ATE1: variants seen among roughly 807,000 people sequenced by gnomAD.
ATE1 encodes the protein arginyltransferase 1.
A neutral mutation model predicts 70.5 loss-of-function variants in ATE1; 36 were observed. The ratio of observed to expected loss-of-function variants is 0.51; its 90% confidence interval spans 0.39 to 0.67. The LOEUF (loss-of-function observed/expected upper bound fraction) is 0.67. Ranked by LOEUF, ATE1 falls within the 30% of genes least tolerant of loss-of-function variation. The pLI, the probability that ATE1 is intolerant of heterozygous loss-of-function variation, is 0.00. For missense variants in ATE1, 593 were observed against 629.5 expected (o/e 0.94, Z 0.62); for synonymous variants, 232 against 219.3 (o/e 1.06, Z -0.51).
At chr10:121,821,071 A>G (rs980995384) in intron 10 of ATE1, among the ~76,000 whole-genome samples, 2 of 152,106 alleles carry the variant, frequency 1.3e-5, no homozygotes, top group Non-Finnish European at 2.9e-5. Context: ...CCTCCCGAGT[A>G]GCTGGGACTA....
chr10:121,772,808 G>A (rs1341973162), intron 11 of ATE1, among the ~76,000 whole-genome samples: 1 of 152,108 alleles, frequency 6.6e-6, no homozygotes, highest in Non-Finnish European at 1.5e-5. Flanking sequence ...TTGCTTTGCC[G>A]CTATTTAAAA....
chr10:121,915,611 C>T (rs931057912), intron 3 of ATE1, among the ~76,000 whole-genome samples: 4 of 152,032 alleles, frequency 2.6e-5, no homozygotes, highest in East Asian at 1.9e-4. Context: ...TAAGAGAGGC[C>T]GGGCGCCGTG....
intron 7 of ATE1, among the ~76,000 whole-genome samples, chr10:121,889,759 A>ACT (rs1457310568): frequency 6.6e-6 from 1 of 152,172 alleles, no homozygotes; most frequent in African/African-American, 2.4e-5. Flanking sequence ...GCTGCAGTGA[A>ACT]CTATGACCAT....
chr10:121,810,008 G>C lies in ATE1; in HGVS notation c.1258-19719C>G, dbSNP rs532944970. On this transcript the variant is annotated intron_variant, in intron 10 of 11. Coordinates refer to ENST00000224652, the MANE Select transcript of ATE1 (RefSeq NM_001001976.3). Reference sequence around the variant, plus strand: ...GCCCAGGTGAGGAAGGTTTACTGAAGGCTGAACCAGTGATGTCCAATTAAC... The same window carrying C: ...GCCCAGGTGAGGAAGGTTTACTGAACGCTGAACCAGTGATGTCCAATTAAC... Among the ~76,000 whole-genome samples the C allele has an allele frequency of 1.6e-4, 24 of 152,144 alleles. No individual in the cohort carries two copies. In the South Asian group the frequency reaches 4.8e-3, roughly 30 times the overall value.
upstream of ATE1, chr10:121,928,235 G>C: frequency 7.3e-7 from 1 of 1,368,596 alleles, no homozygotes; most frequent in Non-Finnish European, 9.6e-7. Context: ...AGGATGGGGA[G>C]AGTCAAGAGG....
upstream of ATE1, chr10:121,928,406 C>CCCTT: frequency 6.5e-7 from 1 of 1,527,878 alleles, no homozygotes; most frequent in Non-Finnish European, 8.8e-7. Flanking sequence ...GGCCCTGAGG[C>CCCTT]CCTTGTATTC....
chr10:121,824,116 A>G (rs991600510), intron 10 of ATE1, among the ~76,000 whole-genome samples: 2 of 152,094 alleles, frequency 1.3e-5, no homozygotes, highest in African/African-American at 4.8e-5. Context: ...ACCTCCCACT[A>G]CCTCTAGGGG....
intron 7 of ATE1, among the ~76,000 whole-genome samples, chr10:121,892,667 A>C (rs1304427136): frequency 6.6e-6 from 1 of 151,798 alleles, no homozygotes; most frequent in Non-Finnish European, 1.5e-5. Flanking sequence ...CACCATGCCC[A>C]GCTAATTTTT....
At chr10:121,771,732 ACATTTCCATT>A (rs1439779455) in intron 11 of ATE1, among the ~76,000 whole-genome samples, 1 of 152,226 alleles carries the variant, frequency 6.6e-6, no homozygotes, top group Non-Finnish European at 1.5e-5. Flanking sequence ...CAAAGACTTT[ACATTTCCATT>A]CATTTCTATC....
intron 11 of ATE1, among the ~76,000 whole-genome samples, chr10:121,775,649 C>A (rs1945706634): frequency 6.6e-6 from 1 of 152,184 alleles, no homozygotes; most frequent in African/African-American, 2.4e-5. Flanking sequence ...ACACAAATTG[C>A]AAGCCATGTA....
intron 8 of ATE1, among the ~76,000 whole-genome samples, chr10:121,864,140 C>T (rs1397620035): frequency 1.3e-5 from 2 of 152,192 alleles, no homozygotes; most frequent in Non-Finnish European, 2.9e-5. Context: ...TCCCAAAGAG[C>T]TCATTAGCTA....
intron 11 of ATE1, among the ~76,000 whole-genome samples, chr10:121,784,746 C>A (rs932475007): frequency 1.3e-5 from 2 of 152,102 alleles, no homozygotes; most frequent in Non-Finnish European, 2.9e-5. Context: ...ACAATCCCAG[C>A]TACCCAGGAG....
upstream of ATE1, chr10:121,928,320 G>T (rs766186318): frequency 3.6e-5 from 55 of 1,512,424 alleles, no homozygotes; most frequent in Non-Finnish European, 9.7e-6. Context: ...CGGCGGCCGC[G>T]CCAACTCCGG....
intron 5 of ATE1, among the ~76,000 whole-genome samples, chr10:121,905,205 A>G (rs1362439478): frequency 6.6e-6 from 1 of 152,240 alleles, no homozygotes; most frequent in African/African-American, 2.4e-5. Context: ...ATACCTGTGC[A>G]GCTCATAAAA....
chr10:121,928,200 G>A, upstream of ATE1: 1 of 1,324,122 alleles, frequency 7.6e-7, no homozygotes, highest in Non-Finnish European at 9.7e-7. Context: ...AGGGTGAGGC[G>A]GAGAGACAGA....
chr10:121,899,016 A>G, intron 7 of ATE1: 2 of 1,596,750 alleles, frequency 1.3e-6, no homozygotes, highest in Non-Finnish European at 1.7e-6. Context: ...AACATCTCTG[A>G]TGATATGCTT....
chr10:121,827,249 T>G (rs1417767181), intron 10 of ATE1, among the ~76,000 whole-genome samples: 1 of 152,146 alleles, frequency 6.6e-6, no homozygotes, highest in Non-Finnish European at 1.5e-5. Context: ...CTTGACCTCG[T>G]GATCCACCTG....
At chr10:121,804,256 G>A (rs925694510) in intron 10 of ATE1, among the ~76,000 whole-genome samples, 3 of 152,074 alleles carry the variant, frequency 2.0e-5, no homozygotes, top group African/African-American at 7.2e-5. Context: ...AGGGAATTTT[G>A]AATGATAACT....
At chr10:121,749,719 C>G (rs1436805297) in intron 11 of ATE1, among the ~76,000 whole-genome samples, 1 of 152,088 alleles carries the variant, frequency 6.6e-6, no homozygotes, top group South Asian at 2.1e-4. Context: ...CTGACGTCAG[C>G]CCCCCATGCA....
Sources: allele counts gnomAD v4.1 joint callset (sites outside exome capture counted in the v4.1 genomes callset), GRCh38; gene constraint gnomAD v4.1.1; transcripts MANE v1.5; gene names NCBI Gene and HGNC (gene_info 2026-07-23, HGNC 2026-07-21).